Variants in KCNIP1 observed in about 807,000 individuals in gnomAD.
KCNIP1 encodes A-type potassium channel modulatory protein KCNIP1.
In KCNIP1, 18 loss-of-function variants were observed where a neutral mutation model predicts 33.0. The ratio of observed to expected loss-of-function variants is 0.55; its 90% CI spans 0.38 to 0.81. The LOEUF is 0.81. Among genes scored for constraint, KCNIP1 ranks in the 30% least tolerant of loss-of-function variants. KCNIP1 has a pLI of 0.00. For missense variants in KCNIP1, 238 were observed against 271.6 expected (o/e 0.88, Z 0.87); for synonymous variants, 93 against 98.3 (o/e 0.95, Z 0.32).
At chr5:170,684,707 G>C (rs1762479013) in intron 1 of KCNIP1, among the ~76,000 whole-genome samples, 1 of 152,064 alleles carries the variant, frequency 6.6e-6, no homozygotes, top group Non-Finnish European at 1.5e-5. Context: ...TTCATCCCTG[G>C]TCACTGGCCA....
intron 1 of KCNIP1, among the ~76,000 whole-genome samples, chr5:170,546,634 C>G (rs1756418000): frequency 6.6e-6 from 1 of 152,166 alleles, no homozygotes; most frequent in Admixed American, 6.5e-5. Flanking sequence ...GTCCTCATTT[C>G]CACAGCTTTC....
chr5:170,383,431 G>C (rs1366019670), intron 1 of KCNIP1: 2 of 609,100 alleles, frequency 3.3e-6, no homozygotes, highest in Non-Finnish European at 5.9e-6. Flanking sequence ...ACTTTACAAG[G>C]GTGGAAACTG....
chr5:170,482,265 A>G (rs1756994960), intron 1 of KCNIP1, among the ~76,000 whole-genome samples: 1 of 152,098 alleles, frequency 6.6e-6, no homozygotes, highest in Non-Finnish European at 1.5e-5. Context: ...ATCTTCCCCC[A>G]GCAGTGCCCA....
chr5:170,373,343 G>A (rs191594713), intron 1 of KCNIP1, among the ~76,000 whole-genome samples: 29 of 152,312 alleles, frequency 1.9e-4, no homozygotes, highest in Non-Finnish European at 4.4e-5. Flanking sequence ...TTTCTACAGG[G>A]CACGGTGTGG....
intron 1 of KCNIP1, among the ~76,000 whole-genome samples, chr5:170,446,919 T>C (rs777702935): frequency 1.3e-5 from 2 of 152,226 alleles, no homozygotes; most frequent in Non-Finnish European, 2.9e-5. Flanking sequence ...CTGAACCAAA[T>C]TTCCTCTCTC....
chr5:170,637,058 G>A (rs1561733441), intron 1 of KCNIP1, among the ~76,000 whole-genome samples: 1 of 152,038 alleles, frequency 6.6e-6, no homozygotes, highest in Admixed American at 6.6e-5. Flanking sequence ...GAAAGCATGC[G>A]TGCATTCAAA....
intron 1 of KCNIP1, among the ~76,000 whole-genome samples, chr5:170,472,204 G>A (rs1234032683): frequency 6.6e-6 from 1 of 152,192 alleles, no homozygotes; most frequent in Non-Finnish European, 1.5e-5. Context: ...GCTGTCTCAT[G>A]TACAAGATGG....
chr5:170,580,712 A>G (rs1344708387), intron 1 of KCNIP1, among the ~76,000 whole-genome samples: 2 of 152,224 alleles, frequency 1.3e-5, no homozygotes, highest in Admixed American at 1.3e-4. Context: ...ATGGCAGGAG[A>G]TGAGCAGGGT....
At chr5:170,629,919 G>T (rs1759989818) in intron 1 of KCNIP1, among the ~76,000 whole-genome samples, 1 of 152,274 alleles carries the variant, frequency 6.6e-6, no homozygotes, top group African/African-American at 2.4e-5. Context: ...CCTAAGGCAG[G>T]GACTTGGACC....
In KCNIP1 at chr5:170,555,206, C is replaced by T. The variant is rs570029719; in HGVS notation, c.61+50573C>T. ...CAGCCATTACTCAGGAGATCGCAGG[C>T]GGGCGCTCAGCCTACTTTTTGACAG... is the stretch of plus-strand genomic sequence containing the variant. On this transcript the variant is annotated intron_variant, in intron 1 of 7. Transcript: ENST00000328939. 6.6e-5 allele frequency among the ~76,000 whole-genome samples: 10 copies of T among 152,184 alleles called. 1 individual carries two copies. The South Asian group carries it at 1.7e-3, about 25-fold the overall frequency.
chr5:170,553,283 CTTGT>C (rs1407129613), intron 1 of KCNIP1, among the ~76,000 whole-genome samples: 11 of 152,226 alleles, frequency 7.2e-5, no homozygotes, highest in African/African-American at 2.7e-4. Flanking sequence ...ATTCCTGGTT[CTTGT>C]TTATTTATTC....
intron 1 of KCNIP1, among the ~76,000 whole-genome samples, chr5:170,616,005 C>A (rs975558145): frequency 1.3e-5 from 2 of 152,146 alleles, no homozygotes; most frequent in Admixed American, 1.3e-4. Flanking sequence ...GGGAACAAGA[C>A]CACTTTCACA....
At chr5:170,554,148 T>G (rs1756758789) in intron 1 of KCNIP1, among the ~76,000 whole-genome samples, 1 of 151,718 alleles carries the variant, frequency 6.6e-6, no homozygotes, top group Non-Finnish European at 1.5e-5. Context: ...TTTTTTTTAA[T>G]TTTTTAAAAA....
chr5:170,380,625 G>C (rs950009645), intron 1 of KCNIP1, among the ~76,000 whole-genome samples: 1 of 152,226 alleles, frequency 6.6e-6, no homozygotes, highest in Non-Finnish European at 1.5e-5. Context: ...TGAGGCTGGG[G>C]AGACGCTGGC....
At chr5:170,569,244 A>G (rs1757311041) in intron 1 of KCNIP1, among the ~76,000 whole-genome samples, 1 of 152,278 alleles carries the variant, frequency 6.6e-6, no homozygotes, top group African/African-American at 2.4e-5. Flanking sequence ...GCTTCTTCAA[A>G]GGAGCCCGTT....
chr5:170,479,967 A>G (rs1177301299), intron 1 of KCNIP1, among the ~76,000 whole-genome samples: 1 of 152,176 alleles, frequency 6.6e-6, no homozygotes, highest in Non-Finnish European at 1.5e-5. Flanking sequence ...AAATTATTTA[A>G]CCACACTCTC....
chr5:170,446,945 T>C (rs1307198204), intron 1 of KCNIP1, among the ~76,000 whole-genome samples: 2 of 152,132 alleles, frequency 1.3e-5, no homozygotes, highest in Non-Finnish European at 2.9e-5. Flanking sequence ...GCCGAAAGAG[T>C]AATAGGTGTT....
At chr5:170,649,953 A>G (rs947868549) in intron 1 of KCNIP1, among the ~76,000 whole-genome samples, 2 of 152,192 alleles carry the variant, frequency 1.3e-5, no homozygotes, top group Non-Finnish European at 2.9e-5. Context: ...AGTAAGAGAA[A>G]GAGCCAGGAA....
At chr5:170,681,328 G>A in intron 1 of KCNIP1, 2 of 386,744 alleles carry the variant, frequency 5.2e-6, no homozygotes, top group Non-Finnish European at 9.1e-6. Flanking sequence ...ATTGGTCCCC[G>A]CCTCCCCAGT....
Sources: allele counts gnomAD v4.1 joint callset (sites outside exome capture counted in the v4.1 genomes callset), GRCh38; gene constraint gnomAD v4.1.1; transcripts MANE v1.5; gene names NCBI Gene and HGNC (gene_info 2026-07-23, HGNC 2026-07-21).